Variants in GPR149 observed in about 807,000 individuals in gnomAD.
The protein encoded by GPR149 is probable G protein-coupled receptor 149.
GPR149 carries 50 observed loss-of-function variants against 50.2 expected under a neutral mutation model. That is an observed-to-expected ratio of 1.00 (90% confidence interval 0.79 to 1.26). The LOEUF (loss-of-function observed/expected upper bound fraction) is 1.26, where lower values mean the gene tolerates loss of function less well. GPR149 is among the 50% of genes most tolerant of loss of function. GPR149 has a pLI of 0.00. For missense variants in GPR149, 983 were observed against 895.4 expected, an observed-to-expected ratio of 1.10 and a Z score of -1.25; for synonymous variants, 405 against 358.2, an observed-to-expected ratio of 1.13 and a Z score of -1.48.
At chr3:154,389,015 A>C (rs937905965) in intron 3 of GPR149, among the ~76,000 whole-genome samples, 1 of 152,104 alleles carries the variant, frequency 6.6e-6, no homozygotes, top group Non-Finnish European at 1.5e-5. Flanking sequence ...AAAAAGGTAA[A>C]TCACTTGTAG....
chr3:154,362,220 C>G (rs556498846), intron 3 of GPR149, among the ~76,000 whole-genome samples: 1 of 137,196 alleles, frequency 7.3e-6, no homozygotes, highest in African/African-American at 2.8e-5. Flanking sequence ...ACCCGGGAGG[C>G]GGAGCCTGCA....
At chr3:154,364,384 A>G (rs1298691969) in intron 3 of GPR149, among the ~76,000 whole-genome samples, 1 of 152,180 alleles carries the variant, frequency 6.6e-6, no homozygotes, top group East Asian at 1.9e-4. Flanking sequence ...ATTCCAGTAG[A>G]CCCCAAAAGT....
chr3:154,341,813 T>C (rs1324267198), intron 3 of GPR149, among the ~76,000 whole-genome samples: 1 of 152,128 alleles, frequency 6.6e-6, no homozygotes, highest in African/African-American at 2.4e-5. Flanking sequence ...GTATAATATG[T>C]AGCTACAGCA....
chr3:154,389,364 A>G (rs1169491583), intron 3 of GPR149, among the ~76,000 whole-genome samples: 1 of 151,910 alleles, frequency 6.6e-6, no homozygotes, highest in Non-Finnish European at 1.5e-5. Context: ...CAAGGGCCCT[A>G]CCCCTGGCAT....
intron 3 of GPR149, among the ~76,000 whole-genome samples, chr3:154,338,604 C>T (rs1053897399): frequency 3.9e-5 from 6 of 152,178 alleles, no homozygotes; most frequent in African/African-American, 1.4e-4. Context: ...TGCATATTTA[C>T]AATCTGAAAT....
intron 3 of GPR149, among the ~76,000 whole-genome samples, chr3:154,379,082 T>TGG: frequency 7.5e-5 from 1 of 13,282 alleles, no homozygotes. Context: ...CTACTAAAAA[T>TGG]ACAAAAAATT....
chr3:154,416,560 A>G (rs959502817), intron 3 of GPR149, among the ~76,000 whole-genome samples: 1 of 151,824 alleles, frequency 6.6e-6, no homozygotes, highest in Non-Finnish European at 1.5e-5. Context: ...AAATAATAAT[A>G]TTTTAAAAAT....
At chr3:154,394,470 T>C (rs1338166443) in intron 3 of GPR149, among the ~76,000 whole-genome samples, 1 of 152,062 alleles carries the variant, frequency 6.6e-6, no homozygotes, top group Non-Finnish European at 1.5e-5. Flanking sequence ...AACTTTATGA[T>C]GTTACTATTG....
intron 3 of GPR149, among the ~76,000 whole-genome samples, chr3:154,391,419 C>G (rs896339237): frequency 6.6e-6 from 1 of 151,350 alleles, no homozygotes; most frequent in East Asian, 1.9e-4. Context: ...ATACAAGCTT[C>G]TTGGTAACCA....
chr3:154,351,872 A>G (rs898299081), intron 3 of GPR149, among the ~76,000 whole-genome samples: 2 of 152,198 alleles, frequency 1.3e-5, no homozygotes, highest in East Asian at 1.9e-4. Context: ...ACAAAATGTT[A>G]TCTTTTCAAA....
At chr3:154,351,857 GA>G (rs1309580888) in intron 3 of GPR149, among the ~76,000 whole-genome samples, 1 of 152,102 alleles carries the variant, frequency 6.6e-6, no homozygotes, top group Admixed American at 6.5e-5. Context: ...TGTATAAAAT[GA>G]AGAACAAAAT....
At chr3:154,365,864 G>T (rs529451579) in intron 3 of GPR149, among the ~76,000 whole-genome samples, 1 of 152,208 alleles carries the variant, frequency 6.6e-6, no homozygotes, top group South Asian at 2.1e-4. Context: ...TGACCACTTA[G>T]ATAATATCTA....
intron 3 of GPR149, among the ~76,000 whole-genome samples, chr3:154,350,400 G>C (rs527816790): frequency 8.0e-4 from 121 of 152,168 alleles, no homozygotes; most frequent in African/African-American, 2.8e-3. Flanking sequence ...TCTATGACTA[G>C]CAATGAACTC....
At chr3:154,350,007 A>G (rs541177421) in intron 3 of GPR149, among the ~76,000 whole-genome samples, 2 of 152,110 alleles carry the variant, frequency 1.3e-5, no homozygotes, top group Non-Finnish European at 2.9e-5. Flanking sequence ...CTCACAGCTC[A>G]CTGTAGCCTC....
intron 2 of GPR149, among the ~76,000 whole-genome samples, chr3:154,426,631 A>G (rs1460845359): frequency 2.6e-5 from 4 of 152,278 alleles, no homozygotes; most frequent in South Asian, 2.1e-4. Context: ...CAGAGTCAAA[A>G]TATACAGCTC....
chr3:154,354,219 G>C, intron 3 of GPR149: 7 of 488,076 alleles, frequency 1.4e-5, no homozygotes, highest in South Asian at 1.1e-4. Context: ...GGGTCATAAT[G>C]GTGCCTTGAC....
chr3:154,415,266 G>T (rs1711955774), intron 3 of GPR149, among the ~76,000 whole-genome samples: 1 of 151,872 alleles, frequency 6.6e-6, no homozygotes, highest in African/African-American at 2.4e-5. Context: ...TAAATTATAT[G>T]ATTCCACACA....
chr3:154,399,118 G>A lies in GPR149; in HGVS notation c.1623+21921C>T, dbSNP rs560891870. 2.6e-5 allele frequency among the ~76,000 whole-genome samples: 4 copies of A among 152,032 alleles called. No individual in the cohort carries two copies. The South Asian group carries it at 8.3e-4, about 32-fold the overall frequency. On this transcript the variant is annotated intron_variant, in intron 3 of 3. Coordinates refer to ENST00000389740, the MANE Select transcript of GPR149 (RefSeq NM_001038705.3). ...GCTGGGATCCTCATTTGGTTATTCG[G>A]AAGTTGGGCTTTGGTATTAGTATTT...
chr3:154,382,542 A>G (rs1468202600), intron 3 of GPR149, among the ~76,000 whole-genome samples: 4 of 152,224 alleles, frequency 2.6e-5, no homozygotes, highest in South Asian at 2.1e-4. Context: ...AAATTTTTCA[A>G]TTATCAAAAT....
Sources: allele counts gnomAD v4.1 joint callset (sites outside exome capture counted in the v4.1 genomes callset), GRCh38; gene constraint gnomAD v4.1.1; transcripts MANE v1.5; gene names NCBI Gene and HGNC (gene_info 2026-07-23, HGNC 2026-07-21).